The following ARMC3 variants were observed in gnomAD, a reference collection of about 807,000 sequenced individuals.
ARMC3 encodes armadillo repeat containing 3.
A neutral mutation model predicts 90.3 loss-of-function variants in ARMC3; 74 were observed. The ratio of observed to expected loss-of-function variants is 0.82; its 90% CI spans 0.68 to 0.99. The LOEUF (loss-of-function observed/expected upper bound fraction) is 0.99. Among genes scored for constraint, ARMC3 ranks in the 50% least tolerant of loss-of-function variants. ARMC3 has a pLI of 0.00. For synonymous variants in ARMC3, 334 were observed against 361.8 expected (o/e 0.92, Z 0.87); for missense variants, 958 against 1,042.8 (o/e 0.92, Z 1.12).
chr10:22,982,037 G>C (rs1012536471), intron 10 of ARMC3, among the ~76,000 whole-genome samples: 3 of 152,076 alleles, frequency 2.0e-5, no homozygotes, highest in Non-Finnish European at 4.4e-5. Context: ...GATAAATCTG[G>C]AAAAATGCTT....
Position 22,972,657 on chromosome 10 carries a change from C to T in ARMC3, c.916+4168C>T, listed in dbSNP as rs557920348. On this transcript the variant is annotated intron_variant, in intron 8 of 18. Coordinates refer to ENST00000298032, the MANE Select transcript of ARMC3 (RefSeq NM_173081.5). ...CCCTTCAAACATCACTTTTTCAGAC[C>T]GAAGAATTCAGATCTTGTTTAGTCT... Among the ~76,000 whole-genome samples the T allele has an allele frequency of 8.5e-5, 13 of 152,148 alleles. No individual in the cohort carries two copies. The East Asian group carries it at 1.9e-3, about 23-fold the overall frequency.
chr10:22,997,332 G>C (rs984942028), intron 10 of ARMC3: 3 of 152,200 alleles, frequency 2.0e-5, no homozygotes, highest in African/African-American at 7.2e-5. Context: ...ATGGGAGACT[G>C]CCCGGGAAAA....
Position 23,008,742 on chromosome 10 carries a change from C to T in ARMC3, c.1929-73C>T, listed in dbSNP as rs2131466961. The T allele has an allele frequency of 3.2e-6, 4 of 1,260,398 alleles. No homozygotes were observed. In the South Asian group the frequency reaches 5.3e-5, roughly 17 times the overall value. 78.1% of individuals were successfully genotyped at this position (1,260,398 alleles called of 1,614,324 possible). A position where few individuals can be genotyped will look rare whatever the true frequency, so the allele number is the denominator to read the frequency against. ...ATGAAGTAAAAATGCCTTGTAAGCT[C>T]TAAATGCAAATGTAATGTATTGTTG... On this transcript the variant is annotated intron_variant, in intron 15 of 18. Coordinates refer to ENST00000298032, the MANE Select transcript of ARMC3 (RefSeq NM_173081.5).
intron 16 of ARMC3, among the ~76,000 whole-genome samples, chr10:23,024,762 A>C (rs910688449): frequency 6.6e-6 from 1 of 152,200 alleles, no homozygotes; most frequent in Non-Finnish European, 1.5e-5. Flanking sequence ...GAAGGCAAGA[A>C]AAGAAGAGCA....
chr10:22,941,214 T>A (rs1368570180), intron 2 of ARMC3, among the ~76,000 whole-genome samples: 1 of 152,164 alleles, frequency 6.6e-6, no homozygotes, highest in African/African-American at 2.4e-5. Context: ...TCAACTGCAA[T>A]GAGGCAGGAG....
intron 3 of ARMC3, among the ~76,000 whole-genome samples, chr10:22,950,078 TC>T (rs901595312): frequency 5.9e-4 from 90 of 151,672 alleles, no homozygotes; most frequent in African/African-American, 2.2e-3. Flanking sequence ...ATGTTTTTTT[TC>T]CAAATATAAA....
At chr10:22,945,435 A>G (rs1463886950) in intron 2 of ARMC3, among the ~76,000 whole-genome samples, 2 of 152,180 alleles carry the variant, frequency 1.3e-5, no homozygotes, top group African/African-American at 2.4e-5. Flanking sequence ...GTTCGTTTCA[A>G]TTATGCATTT....
intron 6 of ARMC3, chr10:22,960,797 T>G (rs1337003526): frequency 6.6e-6 from 1 of 152,190 alleles, no homozygotes; most frequent in African/African-American, 2.4e-5. Flanking sequence ...AAGGTGTCAG[T>G]AGGACCGCGT....
intron 2 of ARMC3, among the ~76,000 whole-genome samples, chr10:22,944,629 G>T (rs1432528912): frequency 6.6e-6 from 1 of 152,110 alleles, no homozygotes; most frequent in Non-Finnish European, 1.5e-5. Context: ...AAAAACCATG[G>T]TCAGTGAGCC....
intron 4 of ARMC3, among the ~76,000 whole-genome samples, chr10:22,958,750 C>G (rs530094284): frequency 6.6e-6 from 1 of 152,270 alleles, no homozygotes; most frequent in Admixed American, 6.5e-5. Flanking sequence ...GAGACAGGGT[C>G]TCACTCTGTT....
intron 8 of ARMC3, among the ~76,000 whole-genome samples, chr10:22,979,300 C>A (rs1047051044): frequency 3.3e-5 from 5 of 152,152 alleles, no homozygotes; most frequent in Admixed American, 2.0e-4. Context: ...CTTGGTGTAG[C>A]AATTCAAGGA....
intron 2 of ARMC3, among the ~76,000 whole-genome samples, chr10:22,937,078 T>C (rs564053546): frequency 2.6e-5 from 4 of 152,050 alleles, no homozygotes; most frequent in Admixed American, 6.6e-5. Flanking sequence ...AATTTTTGTA[T>C]GTTTTGTGGA....
At chr10:22,955,149 C>T (rs1430606444) in intron 3 of ARMC3, 1 of 152,220 alleles carries the variant, frequency 6.6e-6, no homozygotes, top group Non-Finnish European at 1.5e-5. Flanking sequence ...CACATCTTTA[C>T]TCAGTTTAGA....
At chr10:22,994,264 G>A (rs895425714) in intron 10 of ARMC3, among the ~76,000 whole-genome samples, 3 of 152,126 alleles carry the variant, frequency 2.0e-5, no homozygotes, top group African/African-American at 7.2e-5. Flanking sequence ...CCTGATGTGG[G>A]AAAGAGCCTG....
chr10:23,033,865 G>T (rs1839021920), intron 18 of ARMC3, among the ~76,000 whole-genome samples: 1 of 152,134 alleles, frequency 6.6e-6, no homozygotes, highest in South Asian at 2.1e-4. Context: ...CTTTGAGTGG[G>T]GCAGCTGGTA....
chr10:23,017,816 G>A (rs1838343401), intron 16 of ARMC3, among the ~76,000 whole-genome samples: 1 of 152,166 alleles, frequency 6.6e-6, no homozygotes, highest in African/African-American at 2.4e-5. Context: ...GCCTGGTCTG[G>A]CCTAGCCCCA....
At chr10:23,017,530 C>A (rs1303419960) in intron 16 of ARMC3, among the ~76,000 whole-genome samples, 2 of 152,144 alleles carry the variant, frequency 1.3e-5, no homozygotes, top group African/African-American at 4.8e-5. Flanking sequence ...TTTGGGAGGC[C>A]GAGATGGGCG....
At chr10:22,973,821 C>T (rs1265393418) in intron 8 of ARMC3, among the ~76,000 whole-genome samples, 5 of 141,634 alleles carry the variant, frequency 3.5e-5, no homozygotes, top group East Asian at 2.1e-4. Context: ...TGCAGTGGCG[C>T]GATCTTGGCT....
intron 16 of ARMC3, among the ~76,000 whole-genome samples, chr10:23,021,659 A>G (rs1487830687): frequency 2.0e-5 from 3 of 151,984 alleles, no homozygotes; most frequent in Non-Finnish European, 1.5e-5. Context: ...CCCATTTTTA[A>G]TGGGGTCATT....
Sources: allele counts gnomAD v4.1 joint callset (sites outside exome capture counted in the v4.1 genomes callset), GRCh38; gene constraint gnomAD v4.1.1; transcripts MANE v1.5; gene names NCBI Gene and HGNC (gene_info 2026-07-23, HGNC 2026-07-21).